The following BAIAP2 variants were observed in gnomAD, a reference collection of about 807,000 sequenced individuals.
BAIAP2 encodes the protein BAR/IMD domain containing adaptor protein 2.
BAIAP2 carries 18 observed loss-of-function variants against 63.0 expected under a neutral mutation model. That is an observed-to-expected ratio of 0.29 (90% CI 0.20 to 0.42). The LOEUF is 0.42. Ranked by LOEUF, BAIAP2 falls within the 10% of genes least tolerant of loss-of-function variation. The probability of loss-of-function intolerance (pLI) is 1.00; values close to 1 mark genes in which losing one functional copy is unlikely to be tolerated. For synonymous variants in BAIAP2, 386 were observed against 307.6 expected (o/e 1.25, Z -2.67); for missense variants, 610 against 734.3 (o/e 0.83, Z 1.96).
At chr17:81,079,015 G>A (rs4969376) in intron 3 of BAIAP2, among the ~76,000 whole-genome samples, 33,482 of 152,060 alleles carry the variant, frequency 0.22, 4,441 homozygotes, top group Admixed American at 0.35. Context: ...GCAGTTGTGG[G>A]GTCTCACCGA....
At chr17:81,080,693 C>G in intron 3 of BAIAP2, among the ~76,000 whole-genome samples, 1 of 152,142 alleles carries the variant, frequency 6.6e-6, no homozygotes, top group East Asian at 1.9e-4. Flanking sequence ...GTTATCTGGT[C>G]TTGACATTCA....
At chr17:81,098,987 TCCCCCCA>T (rs2058101772) in intron 6 of BAIAP2, among the ~76,000 whole-genome samples, 1 of 47,940 alleles carries the variant, frequency 2.1e-5, no homozygotes, top group African/African-American at 7.7e-5. Context: ...CATCCCCCCA[TCCCCCCA>T]TCCCCCCATC....
intron 6 of BAIAP2, 94 bp downstream of exon 6, chr17:81,086,674 C>G (rs41292398): frequency 0.26 from 365,000 of 1,430,356 alleles, 47,691 homozygotes; most frequent in East Asian, 0.44. Flanking sequence ...GACAGCAGCC[C>G]CCCAGGTGCG....
rs370763028 is a variant in BAIAP2, at chr17:81,035,280, T to G, written c.26T>G (p.Met9Arg). 1 of 1,517,720 alleles carries G rather than the reference T, an allele frequency of 6.6e-7. No individual in the cohort carries two copies. Among genetic ancestry groups the G allele is most frequent in the Admixed American group, 1.9e-5 (1 of 51,582 alleles). 94.0% of individuals were successfully genotyped at this position (1,517,720 alleles called of 1,614,324 possible). MSLSRSEE[M>R]HRLTENVYKT... Reference sequence around the variant, plus strand: ...ATGTCTCTGTCTCGCTCAGAGGAGATGCACCGGCTCACGGAAAATGTCTAT... The same window carrying G: ...ATGTCTCTGTCTCGCTCAGAGGAGAGGCACCGGCTCACGGAAAATGTCTAT... The change falls in exon 1 of 14, where the codon ATG becomes AGG. Residue 9 changes from methionine to arginine, a missense_variant. Physicochemically the swap from Met to Arg is moderately conservative, Grantham distance 91 (BLOSUM62 -1). Transcript: ENST00000428708.
At chr17:81,065,782 T>C (rs1175534947) in intron 3 of BAIAP2, among the ~76,000 whole-genome samples, 1 of 152,182 alleles carries the variant, frequency 6.6e-6, no homozygotes, top group Non-Finnish European at 1.5e-5. Context: ...CGTGTACACC[T>C]GGGCAGGTGG....
rs1004730521 is a variant in BAIAP2 at position 81,046,592 on chromosome 17, C to T, written c.55-7076C>T. Reference sequence around the variant, plus strand: ...GCCCTGGAGGACGCTGCCACCTTCCCGATGCTCTCTGCCCACAGAAGTCCC... The same window carrying T: ...GCCCTGGAGGACGCTGCCACCTTCCTGATGCTCTCTGCCCACAGAAGTCCC... On this transcript the variant is annotated intron_variant, in intron 1 of 13. Transcript: ENST00000428708. The surrounding 1 kb of genome is among the most constrained non-coding windows in gnomAD (Gnocchi z 4.5). 5.9e-5 allele frequency among the ~76,000 whole-genome samples: 9 copies of T among 151,986 alleles called. No homozygotes were observed. The highest frequency in any genetic ancestry group is 1.7e-4 in the African/African-American group (7 of 41,364).
intron 1 of BAIAP2, among the ~76,000 whole-genome samples, chr17:81,045,545 A>T (rs2047688334): frequency 6.6e-6 from 1 of 152,126 alleles, no homozygotes; most frequent in African/African-American, 2.4e-5. Flanking sequence ...TCCTGGTCAT[A>T]TCTGGGCACC....
chr17:81,088,198 G>GC (rs1429437419), intron 6 of BAIAP2, among the ~76,000 whole-genome samples: 1 of 152,128 alleles, frequency 6.6e-6, no homozygotes, highest in Non-Finnish European at 1.5e-5. Context: ...GTGTGAGCCA[G>GC]CCCTGAGCAC....
chr17:81,104,833 C>A (rs2058930783), intron 10 of BAIAP2, 118 bp downstream of exon 10: 2 of 1,122,450 alleles, frequency 1.8e-6, no homozygotes, highest in Admixed American at 4.9e-5. Flanking sequence ...GTTGCGGGTC[C>A]TCGCCGTAGA....
At position 81,057,971 on chromosome 17, in the gene BAIAP2, A is replaced by AGGGGGGGGGGGGGGGGGGGGG; in HGVS notation, c.217+5_217+6insGGGGGGGGGGGGGGGGGGGGG. The AGGGGGGGGGGGGGGGGGGGGG allele has an allele frequency of 1.1e-5, 7 of 664,800 alleles. No individual in the cohort carries two copies. The highest frequency in any genetic ancestry group is 1.5e-5 in the Non-Finnish European group (7 of 462,412). The allele number at this position is 664,800 out of a possible 1,614,324, so 41.2% of individuals were successfully genotyped here. A position where few individuals can be genotyped will look rare whatever the true frequency, so the allele number is the denominator to read the frequency against. On this transcript the variant is annotated splice_donor_region_variant and intron_variant, in intron 3 of 13. Transcript: ENST00000428708. The stretch of plus-strand genomic sequence containing the variant: ...AGCCAGGGCTCCAAAGAACTCGGTG[A>AGGGGGGGGGGGGGGGGGGGGG]GACCCCCCCCCCCCCCCCGCCTGGT...
intron 3 of BAIAP2, among the ~76,000 whole-genome samples, chr17:81,073,185 C>T (rs1212021699): frequency 1.3e-5 from 2 of 152,138 alleles, no homozygotes; most frequent in African/African-American, 4.8e-5. Flanking sequence ...GCTCAGCACC[C>T]CTGCTCCTCA....
chr17:81,101,960 C>CGG (rs1246785816), intron 7 of BAIAP2, among the ~76,000 whole-genome samples: 6 of 152,312 alleles, frequency 3.9e-5, no homozygotes, highest in African/African-American at 1.4e-4. Context: ...GGCCCCATGA[C>CGG]GGGGCCAGGG....
rs554467721 is a variant in BAIAP2, at chr17:81,046,935, G to A, written c.55-6733G>A. 5.3e-5 allele frequency among the ~76,000 whole-genome samples: 8 copies of A among 152,350 alleles called. No individual in the cohort carries two copies. The highest frequency in any genetic ancestry group is 1.7e-4 in the African/African-American group (7 of 41,590). On this transcript the variant is annotated intron_variant, in intron 1 of 13. Coordinates refer to ENST00000428708, the MANE Select transcript of BAIAP2 (RefSeq NM_001144888.2). This position sits in a 1 kb window ranked among gnomAD's most constrained non-coding sequence, Gnocchi z 4.5. ...GGCTGGGGGAAGCCCCTCTGGCACT[G>A]CCGGCCCCGCAGCTGCCACCGGCTT... is the stretch of plus-strand genomic sequence containing the variant.
chr17:81,107,253 G>A (rs188706451), intron 12 of BAIAP2: 154 of 260,166 alleles, frequency 5.9e-4, no homozygotes, highest in Middle Eastern at 5.5e-3. Flanking sequence ...GGACGCCGCC[G>A]CCTTTTGGGA....
At chr17:81,039,347 T>C (rs1407373572) in intron 1 of BAIAP2, among the ~76,000 whole-genome samples, 1 of 152,242 alleles carries the variant, frequency 6.6e-6, no homozygotes, top group Non-Finnish European at 1.5e-5. Flanking sequence ...TGGTGCTTGC[T>C]CAGCGTCCCA....
chr17:81,086,600 T>C lies in BAIAP2; in HGVS notation c.489+20T>C, dbSNP rs1383064299. 1.2e-6 allele frequency: 2 copies of C among 1,611,842 alleles called. No homozygotes were observed. Among genetic ancestry groups the C allele is most frequent in the South Asian group, 2.2e-5 (2 of 91,006 alleles). The stretch of plus-strand genomic sequence containing the variant: ...CTGCAGGTAGGCCCGCCACCCCCGC[T>C]GTGGTGCCTCTCCTGCCACCTTGGG... On this transcript the variant is annotated intron_variant, in intron 6 of 13. Transcript: ENST00000428708.
chr17:81,104,614 C>T lies in BAIAP2; in HGVS notation c.1167C>T (p.Asp389=). 1 of 1,612,220 alleles carries T rather than the reference C, an allele frequency of 6.2e-7. No individual in the cohort carries two copies. The highest frequency in any genetic ancestry group is 2.2e-5 in the East Asian group (1 of 44,868). The change falls in exon 10 of 14, where the codon GAC becomes GAT. Residue 389 remains aspartate, a synonymous_variant. Transcript: ENST00000428708. ...CCATCTTCTCCCACGCTGCTGGGGA[C>T]AACAGCACCCTCCTGAGCTTCAAGG... ...VKAIFSHAAG[D]NSTLLSFKEG...
intron 13 of BAIAP2, among the ~76,000 whole-genome samples, chr17:81,111,567 T>G (rs1410510458): frequency 6.6e-6 from 1 of 151,382 alleles, no homozygotes; most frequent in Non-Finnish European, 1.5e-5. Flanking sequence ...TCTGCAGACC[T>G]GGAGGGCTGC....
In BAIAP2 at chr17:81,112,417, G is replaced by A. The variant is rs575265778; in HGVS notation, c.1536-3353G>A. The stretch of plus-strand genomic sequence containing the variant: ...CAACTCAGCTGGGATTGGGGGTGTC[G>A]AAAGCCACTTGCAGTTGGCCAAGAG... On this transcript the variant is annotated intron_variant, in intron 13 of 13. Coordinates refer to ENST00000428708, the MANE Select transcript of BAIAP2 (RefSeq NM_001144888.2). Among the ~76,000 whole-genome samples, 88 of 152,346 alleles carry A rather than the reference G, an allele frequency of 5.8e-4. 3 individuals carry two copies. In the East Asian group the frequency reaches 0.016, roughly 28 times the overall value.
Sources: gnomAD v4.1 joint callset for allele counts (sites outside exome capture counted in the v4.1 genomes callset) on GRCh38, gnomAD v4.1.1 for gene constraint, Gnocchi (gnomAD v3.1) non-coding constraint, MANE v1.5 for transcripts, NCBI Gene and HGNC (gene_info 2026-07-23, HGNC 2026-07-21) for gene names.